KIFC1: variants seen among roughly 807,000 people sequenced by gnomAD.
KIFC1 encodes the protein kinesin-like protein KIFC1.
In KIFC1, 37 loss-of-function variants were observed where a neutral mutation model predicts 66.6. The ratio of observed to expected loss-of-function variants is 0.56; its 90% CI spans 0.43 to 0.73. The LOEUF is 0.73. Among genes scored for constraint, KIFC1 ranks in the 30% least tolerant of loss-of-function variants. The probability of loss-of-function intolerance (pLI) is 0.00; values close to 1 mark genes in which losing one functional copy is unlikely to be tolerated. For synonymous variants in KIFC1, 325 were observed against 343.5 expected (o/e 0.95, Z 0.60); for missense variants, 721 against 859.8 (o/e 0.84, Z 2.02).
rs1202418042 is a variant in KIFC1, at chr6:33,403,429, T to C, written c.305-56T>C. ...TGGGGTATGTGTAAAGGGAGAATGA[T>C]GGAGGTGGAGGGACACTGGTCCTGT... On this transcript the variant is annotated intron_variant, in intron 4 of 10. Transcript: ENST00000428849. This position sits in a 1 kb window ranked among gnomAD's most constrained non-coding sequence, Gnocchi z 4.6. The C allele has an allele frequency of 6.2e-7, 1 of 1,609,774 alleles. No homozygotes were observed. The highest frequency in any genetic ancestry group is 2.2e-5 in the East Asian group (1 of 44,860).
intron 1 of KIFC1, among the ~76,000 whole-genome samples, chr6:33,397,585 T>C (rs1775121831): frequency 6.6e-6 from 1 of 152,198 alleles, no homozygotes; most frequent in Non-Finnish European, 1.5e-5. Flanking sequence ...CATAAGCCAC[T>C]GCACCCGGTC....
Position 33,406,723 on chromosome 6 carries a change from A to G in KIFC1, c.1901+58A>G. 1 of 1,611,258 alleles carries G rather than the reference A, an allele frequency of 6.2e-7. No individual in the cohort carries two copies. The highest frequency in any genetic ancestry group is 8.5e-7 in the Non-Finnish European group (1 of 1,177,388). On this transcript the variant is annotated intron_variant, in intron 9 of 10. Coordinates refer to ENST00000428849, the MANE Select transcript of KIFC1 (RefSeq NM_002263.4). The surrounding 1 kb of genome is among the most constrained non-coding windows in gnomAD (Gnocchi z 4.5). ...TAGGAACTGTGTTGGGGTGAGGGGT[A>G]GAAAGGGGAACAGTGGAGACCTGTC...
chr6:33,407,199 A>G (rs1775710560), intron 10 of KIFC1: 1 of 606,196 alleles, frequency 1.6e-6, no homozygotes, highest in Non-Finnish European at 2.4e-6. Flanking sequence ...GCTTGAGCCC[A>G]GGAGTTTAAA....
Position 33,404,777 on chromosome 6 carries a change from C to A in KIFC1, c.757-75C>A. 7.1e-7 allele frequency: 1 copy of A among 1,418,380 alleles called. No individual in the cohort carries two copies. Among genetic ancestry groups the A allele is most frequent in the Non-Finnish European group, 9.6e-7 (1 of 1,040,122 alleles). 87.9% of individuals were successfully genotyped at this position (1,418,380 alleles called of 1,614,324 possible). A position where few individuals can be genotyped will look rare whatever the true frequency, so the allele number is the denominator to read the frequency against. On this transcript the variant is annotated intron_variant, in intron 6 of 10. Transcript: ENST00000428849. This position sits in a 1 kb window ranked among gnomAD's most constrained non-coding sequence, Gnocchi z 4.0. ...AGCAGGGACCTCACTTCCACCCACT[C>A]CATACGCCCCACAGTTTGTTCTTCT...
chr6:33,399,610 T>A (rs1346331071), intron 3 of KIFC1, among the ~76,000 whole-genome samples: 1 of 152,114 alleles, frequency 6.6e-6, no homozygotes, highest in East Asian at 1.9e-4. Context: ...GGCGTGTTAC[T>A]ATACTGAAGC....
At position 33,403,092 on chromosome 6, in the gene KIFC1, G is replaced by T. The variant is rs1030274863; in HGVS notation, c.251-222G>T. 6.6e-6 allele frequency among the ~76,000 whole-genome samples: 1 copy of T among 152,012 alleles called. No individual in the cohort carries two copies. Among genetic ancestry groups the T allele is most frequent in the Non-Finnish European group, 1.5e-5 (1 of 67,984 alleles). On this transcript the variant is annotated intron_variant, in intron 3 of 10. Transcript: ENST00000428849. The surrounding 1 kb of genome is among the most constrained non-coding windows in gnomAD (Gnocchi z 4.6). ...GGCATCCTTGGATTTTGGTATTCTTGGGGGGTGCTGGAATCAACCCCTTTT... is the reference window on the plus strand; with the variant it reads ...GGCATCCTTGGATTTTGGTATTCTTTGGGGGTGCTGGAATCAACCCCTTTT...
In KIFC1 at chr6:33,405,541, G is replaced by A. The variant is rs1420737816; in HGVS notation, c.1446G>A (p.Gly482=). 6.2e-7 allele frequency: 1 copy of A among 1,606,944 alleles called. No homozygotes were observed. Among genetic ancestry groups the A allele is most frequent in the East Asian group, 2.2e-5 (1 of 44,844 alleles). ...LLATGTRKGQ[G]GECEIRRAGP... is the part of the protein sequence containing the mutation. ...CCACTGGAACCCGGAAGGGTCAAGG[G>A]GGCGAGTGTGAGATTCGCCGTGCAG... Residue 482 remains glycine, a synonymous_variant, in exon 7 of 11, where the codon GGG becomes GGA. Transcript: ENST00000428849. This position sits in a 1 kb window ranked among gnomAD's most constrained non-coding sequence, Gnocchi z 5.4.
chr6:33,393,748 A>ATT (rs35719649), intron 1 of KIFC1, among the ~76,000 whole-genome samples: 35,193 of 115,646 alleles, frequency 0.3, 6,077 homozygotes, highest in Non-Finnish European at 0.38. Flanking sequence ...GCCCTGCAAC[A>ATT]TTTTTTTTTT....
intron 1 of KIFC1, among the ~76,000 whole-genome samples, chr6:33,396,507 A>G (rs1775050188): frequency 7.6e-6 from 1 of 132,336 alleles, no homozygotes; most frequent in African/African-American, 3.0e-5. Flanking sequence ...GTGCAGTGGC[A>G]TGATCACGGC....
chr6:33,396,562 C>T (rs1487290820), intron 1 of KIFC1, among the ~76,000 whole-genome samples: 2 of 151,672 alleles, frequency 1.3e-5, no homozygotes, highest in South Asian at 2.1e-4. Flanking sequence ...CCCACCTCAG[C>T]CTCCCTTGTA....
In KIFC1 at chr6:33,403,823, A is replaced by G. The variant is rs748186088; in HGVS notation, c.450A>G (p.Leu150=). The change falls in exon 6 of 11, where the codon CTA becomes CTG. Residue 150 remains leucine (L), a synonymous_variant. Transcript: ENST00000428849. The surrounding 1 kb of genome is among the most constrained non-coding windows in gnomAD (Gnocchi z 4.6). ...KGQLCDLNAE[L]KRCRERTQTL... ...AGTTATGTGACCTAAATGCAGAACT[A>G]AAACGGTGCCGTGAGAGGACTCAAA... The G allele has an allele frequency of 2.7e-5, 43 of 1,614,148 alleles. No individual in the cohort carries two copies. Among genetic ancestry groups the G allele is most frequent in the South Asian group, 1.4e-4 (13 of 91,094 alleles).
chr6:33,391,647 G>T, upstream of KIFC1: 1 of 513,118 alleles, frequency 1.9e-6, no homozygotes, highest in East Asian at 3.7e-5. Context: ...AAGTGGCACC[G>T]GAAGTGGAAT....
At chr6:33,397,298 T>C (rs78659170) in intron 1 of KIFC1, among the ~76,000 whole-genome samples, 1 of 43,016 alleles carries the variant, frequency 2.3e-5, no homozygotes, top group Non-Finnish European at 6.6e-5. Context: ...CTAATGCCCT[T>C]TTTTTTTTTT....
rs1168340345 is a variant in KIFC1 at position 33,403,568 on chromosome 6, C to G, written c.355+33C>G. ...ACAAACATAACCACTGGGTGAGAGG[C>G]TGGGATAGGGAAGAGAAGATGGTGA... On this transcript the variant is annotated intron_variant, in intron 5 of 10. Coordinates refer to ENST00000428849, the MANE Select transcript of KIFC1 (RefSeq NM_002263.4). This position sits in a 1 kb window ranked among gnomAD's most constrained non-coding sequence, Gnocchi z 4.6. 6.2e-7 allele frequency: 1 copy of G among 1,609,084 alleles called. No homozygotes were observed. Among genetic ancestry groups the G allele is most frequent in the Non-Finnish European group, 8.5e-7 (1 of 1,175,562 alleles).
At chr6:33,394,593 C>CA (rs1554298149) in intron 1 of KIFC1, among the ~76,000 whole-genome samples, 1 of 152,162 alleles carries the variant, frequency 6.6e-6, no homozygotes, top group Non-Finnish European at 1.5e-5. Context: ...GCAATCCTCC[C>CA]ACCTCAATCT....
intron 10 of KIFC1, 142 bp downstream of exon 10, chr6:33,407,017 C>T: frequency 1.4e-6 from 2 of 1,424,378 alleles, no homozygotes; most frequent in South Asian, 1.5e-5. Flanking sequence ...TCACCTGGTT[C>T]CATTTTTAAT....
chr6:33,408,074 A>G (rs150734035), intron 10 of KIFC1, among the ~76,000 whole-genome samples: 3 of 152,294 alleles, frequency 2.0e-5, no homozygotes, highest in Non-Finnish European at 4.4e-5. Context: ...TGTTTTTTCT[A>G]ACTTTTTATT....
chr6:33,406,227 A>G lies in KIFC1; in HGVS notation c.1568A>G (p.Asn523Ser), dbSNP rs758900561. The G allele has an allele frequency of 6.2e-7, 1 of 1,609,914 alleles. No individual in the cohort carries two copies. Among genetic ancestry groups the G allele is most frequent in the Non-Finnish European group, 8.5e-7 (1 of 1,177,136 alleles). The change falls in exon 8 of 11, where the codon AAT becomes AGT. Residue 523 changes from asparagine to serine, a missense_variant. Asn to Ser is a conservative substitution (Grantham distance 46). Transcript: ENST00000428849. The surrounding 1 kb of genome is among the most constrained non-coding windows in gnomAD (Gnocchi z 4.5). ...GCCCTGCTTCATCTGGCCCGCCAGA[A>G]TCGGGCTGTGGCCCGCACAGCCCAG... ...VDALLHLARQ[N>S]RAVARTAQNE...
Position 33,409,703 on chromosome 6 carries a change from A to ATCTCTG in KIFC1, c.*16_*17insCTGTCT, listed in dbSNP as rs752059822. ...CAACAGGAAGTGAAGACGGATCCAG[A>ATCTCTG]TCTGTGTGTGTGTGTGTGTGTGTGT... On this transcript the variant is annotated 3_prime_UTR_variant, in exon 11 of 11. Transcript: ENST00000428849. 1 of 1,332,532 alleles carries ATCTCTG rather than the reference A, an allele frequency of 7.5e-7. No homozygotes were observed. Among genetic ancestry groups the ATCTCTG allele is most frequent in the Non-Finnish European group, 1.0e-6 (1 of 988,506 alleles). 82.5% of individuals were successfully genotyped at this position (1,332,532 alleles called of 1,614,324 possible).
Sources: gnomAD v4.1 joint callset for allele counts (sites outside exome capture counted in the v4.1 genomes callset) on GRCh38, gnomAD v4.1.1 for gene constraint, Gnocchi (gnomAD v3.1) non-coding constraint, MANE v1.5 for transcripts, NCBI Gene and HGNC (gene_info 2026-07-23, HGNC 2026-07-21) for gene names.